The following STAU2 variants were observed in gnomAD, a reference collection of about 807,000 sequenced individuals.
The protein encoded by STAU2 is double-stranded RNA-binding protein Staufen homolog 2.
In STAU2, 20 loss-of-function variants were observed where a neutral mutation model predicts 65.9. That is an observed-to-expected ratio of 0.30 (90% CI 0.21 to 0.44). The LOEUF is 0.44. Among genes scored for constraint, STAU2 ranks in the 20% least tolerant of loss-of-function variants. The probability of loss-of-function intolerance (pLI) is 1.00; values close to 1 mark genes in which losing one functional copy is unlikely to be tolerated. For missense variants in STAU2, 558 were observed against 683.9 expected (o/e 0.82, Z 2.05); for synonymous variants, 232 against 233.9 (o/e 0.99, Z 0.07).
In STAU2 at chr8:73,576,409, A is replaced by T. The variant is rs184117859; in HGVS notation, c.1222+6361T>A. On this transcript the variant is annotated intron_variant, in intron 12 of 14. Transcript: ENST00000524300. ...ATACGACGCTATTTTTCTAAAGTTT[A>T]AAAAAAAAAGCAAAATTAAATAAGT... 4.7e-5 allele frequency among the ~76,000 whole-genome samples: 7 copies of T among 148,158 alleles called. No individual in the cohort carries two copies. In the East Asian group the frequency reaches 1.2e-3, roughly 25 times the overall value.
intron 12 of STAU2, among the ~76,000 whole-genome samples, chr8:73,572,930 G>A (rs558280097): frequency 1.4e-5 from 2 of 147,192 alleles, no homozygotes; most frequent in East Asian, 3.9e-4. Context: ...AGAAAGAAAG[G>A]GTATTTCATT....
chr8:73,562,876 T>G (rs1489282056), intron 12 of STAU2, among the ~76,000 whole-genome samples: 1 of 151,986 alleles, frequency 6.6e-6, no homozygotes, highest in Non-Finnish European at 1.5e-5. Context: ...TTTGGAAGGC[T>G]AAGGCAAAAG....
At chr8:73,745,052 C>A (rs1222874502) in intron 1 of STAU2, among the ~76,000 whole-genome samples, 1 of 152,156 alleles carries the variant, frequency 6.6e-6, no homozygotes, top group East Asian at 1.9e-4. Flanking sequence ...TGTACCATAT[C>A]CTACCAACTT....
chr8:73,448,293 C>G (rs773909092), intron 13 of STAU2, among the ~76,000 whole-genome samples: 1 of 146,282 alleles, frequency 6.8e-6, no homozygotes. Flanking sequence ...AAAGGAGATA[C>G]AAGTCTTTTT....
At chr8:73,466,183 T>G (rs1052332268) in intron 13 of STAU2, among the ~76,000 whole-genome samples, 1 of 152,244 alleles carries the variant, frequency 6.6e-6, no homozygotes, top group African/African-American at 2.4e-5. Flanking sequence ...ACCCATACAT[T>G]ACATTCCTTT....
Position 73,618,184 on chromosome 8 carries a change from C to G in STAU2, c.411-733G>C, listed in dbSNP as rs181842885. On this transcript the variant is annotated intron_variant, in intron 6 of 14. Coordinates refer to ENST00000524300, the MANE Select transcript of STAU2 (RefSeq NM_001164380.2). ...GACAGGGGACTATGACAATGAACAA[C>G]AACACTTAGAGTGGGGAAGATAAAC... Among the ~76,000 whole-genome samples, 8 of 152,136 alleles carry G rather than the reference C, an allele frequency of 5.3e-5. No homozygotes were observed. The East Asian group carries it at 1.5e-3, about 29-fold the overall frequency.
intron 6 of STAU2, among the ~76,000 whole-genome samples, chr8:73,658,768 C>T (rs1307467261): frequency 1.3e-5 from 2 of 151,976 alleles, no homozygotes; most frequent in Non-Finnish European, 2.9e-5. Context: ...CAAAAATTAG[C>T]TGGGCATGGT....
intron 9 of STAU2, among the ~76,000 whole-genome samples, chr8:73,606,273 C>CT (rs1223408520): frequency 6.6e-6 from 1 of 151,802 alleles, no homozygotes; most frequent in African/African-American, 2.4e-5. Context: ...AAATTAATAA[C>CT]TTCTGCTCTT....
chr8:73,486,817 T>C (rs1415040489), intron 13 of STAU2, among the ~76,000 whole-genome samples: 2 of 151,544 alleles, frequency 1.3e-5, no homozygotes, highest in African/African-American at 2.4e-5. Context: ...CACACCTGGA[T>C]GATTTTTTTA....
chr8:73,638,083 A>T (rs1006994308), intron 6 of STAU2, among the ~76,000 whole-genome samples: 1 of 152,100 alleles, frequency 6.6e-6, no homozygotes. Flanking sequence ...ATACATATAC[A>T]TATCCAGAGA....
At chr8:73,708,672 C>T (rs1463228651) in intron 4 of STAU2, among the ~76,000 whole-genome samples, 1 of 152,074 alleles carries the variant, frequency 6.6e-6, no homozygotes, top group Non-Finnish European at 1.5e-5. Flanking sequence ...GGAAAGCACA[C>T]CATATTTGGG....
chr8:73,711,131 CAAAAAAAAA>C (rs751087630), intron 3 of STAU2, among the ~76,000 whole-genome samples: 6 of 31,102 alleles, frequency 1.9e-4, no homozygotes, highest in Admixed American at 7.3e-4. Flanking sequence ...AAGTGGCTTG[CAAAAAAAAA>C]AAAAAAAAAA....
At chr8:73,447,313 C>T (rs1818519153) in intron 13 of STAU2, among the ~76,000 whole-genome samples, 1 of 152,194 alleles carries the variant, frequency 6.6e-6, no homozygotes, top group Non-Finnish European at 1.5e-5. Flanking sequence ...ACTATGCTAA[C>T]TCTTCTGCAA....
chr8:73,658,697 GAGGT>G (rs1177815508), intron 6 of STAU2, among the ~76,000 whole-genome samples: 1 of 151,550 alleles, frequency 6.6e-6, no homozygotes, highest in Non-Finnish European at 1.5e-5. Context: ...GGTGAATCAC[GAGGT>G]CAGGAGTTCA....
chr8:73,596,603 C>T (rs1811205546), intron 10 of STAU2, among the ~76,000 whole-genome samples: 1 of 152,082 alleles, frequency 6.6e-6, no homozygotes, highest in Admixed American at 6.5e-5. Flanking sequence ...GTGGCTTATA[C>T]CTGTAATTCC....
intron 6 of STAU2, among the ~76,000 whole-genome samples, chr8:73,630,025 TAAA>T (rs1188536762): frequency 3.3e-5 from 5 of 152,166 alleles, no homozygotes; most frequent in Admixed American, 6.5e-5. Flanking sequence ...ATTAAAAGTG[TAAA>T]AAAAGCAACA....
At chr8:73,720,206 G>C (rs1821541124) in intron 3 of STAU2, among the ~76,000 whole-genome samples, 1 of 150,318 alleles carries the variant, frequency 6.7e-6, no homozygotes. Flanking sequence ...TTGAGGTCAA[G>C]GCCACAGTGA....
chr8:73,483,173 G>T (rs541299651), intron 13 of STAU2, among the ~76,000 whole-genome samples: 1 of 152,128 alleles, frequency 6.6e-6, no homozygotes, highest in Admixed American at 6.6e-5. Flanking sequence ...CTTTCAACAT[G>T]CTGATAAAAG....
intron 1 of STAU2, among the ~76,000 whole-genome samples, chr8:73,745,759 G>T (rs1586404610): frequency 6.6e-6 from 1 of 152,126 alleles, no homozygotes; most frequent in East Asian, 1.9e-4. Context: ...GAGTGGGGAT[G>T]GGGGTAAGGG....
Sources: allele counts gnomAD v4.1 joint callset (sites outside exome capture counted in the v4.1 genomes callset), GRCh38; gene constraint gnomAD v4.1.1; transcripts MANE v1.5; gene names NCBI Gene and HGNC (gene_info 2026-07-23, HGNC 2026-07-21).